Variants in RPS6KC1 observed in about 807,000 individuals in gnomAD.
RPS6KC1 encodes the protein ribosomal protein S6 kinase C1.
In RPS6KC1, 54 loss-of-function variants were observed where a neutral mutation model predicts 103.8. That is an observed-to-expected ratio of 0.52 (90% CI 0.42 to 0.65). The LOEUF (loss-of-function observed/expected upper bound fraction) is 0.65, where lower values mean the gene tolerates loss of function less well. Among genes scored for constraint, RPS6KC1 ranks in the 30% least tolerant of loss-of-function variants. The pLI is 0.00. For missense variants in RPS6KC1, 1,151 were observed against 1,253.8 expected (o/e 0.92, Z 1.24); for synonymous variants, 439 against 438.7 (o/e 1.00, Z -0.01).
At chr1:213,301,311 C>T in the RPS6KC1 span, among the ~76,000 whole-genome samples, 1 of 152,160 alleles carries the variant, frequency 6.6e-6, no homozygotes, top group Admixed American at 6.5e-5. Flanking sequence ...GGACTTCTAG[C>T]TGTTGAGGTC....
chr1:213,127,843 G>A (rs536967094), intron 5 of RPS6KC1, among the ~76,000 whole-genome samples: 65 of 152,136 alleles, frequency 4.3e-4, no homozygotes, highest in Admixed American at 1.6e-3. Flanking sequence ...TCAACATTTC[G>A]AAGATCTTTA....
the RPS6KC1 span, among the ~76,000 whole-genome samples, chr1:213,444,902 A>G: frequency 0.011 from 1,748 of 152,252 alleles, 22 homozygotes; most frequent in African/African-American, 0.036. Context: ...GCACAATTCA[A>G]TGACTTTTCG....
the RPS6KC1 span, among the ~76,000 whole-genome samples, chr1:213,626,647 C>A: frequency 6.6e-6 from 1 of 152,202 alleles, no homozygotes; most frequent in Non-Finnish European, 1.5e-5. Context: ...CTACATATGG[C>A]TAGCCAGTTT....
the RPS6KC1 span, among the ~76,000 whole-genome samples, chr1:213,668,177 C>T: frequency 4.1e-4 from 63 of 152,236 alleles, 1 homozygote; most frequent in African/African-American, 1.4e-3. Context: ...TTTACTTTGC[C>T]CAGATCCATC....
chr1:213,805,044 G>A, the RPS6KC1 span, among the ~76,000 whole-genome samples: 1 of 152,334 alleles, frequency 6.6e-6, no homozygotes, highest in African/African-American at 2.4e-5. Flanking sequence ...CAATAGCTTT[G>A]TGTCTAAGAA....
chr1:213,495,277 C>T, the RPS6KC1 span, among the ~76,000 whole-genome samples: 1 of 152,006 alleles, frequency 6.6e-6, no homozygotes, highest in Non-Finnish European at 1.5e-5. Flanking sequence ...TTAAACTTCA[C>T]ACAACATTAT....
At chr1:213,710,861 T>G in the RPS6KC1 span, among the ~76,000 whole-genome samples, 19 of 152,336 alleles carry the variant, frequency 1.2e-4, no homozygotes, top group African/African-American at 4.6e-4. Flanking sequence ...TCTTCTGGCT[T>G]GTAGGGTTTA....
the RPS6KC1 span, among the ~76,000 whole-genome samples, chr1:213,504,772 G>GT: frequency 1.3e-5 from 2 of 151,980 alleles, no homozygotes; most frequent in Non-Finnish European, 2.9e-5. Flanking sequence ...TGGGCAACTT[G>GT]TTTTTTTCCC....
chr1:213,637,381 A>G, the RPS6KC1 span, among the ~76,000 whole-genome samples: 61 of 140,614 alleles, frequency 4.3e-4, 1 homozygote, highest in East Asian at 4.4e-3. Flanking sequence ...ATGTCCATCA[A>G]TGATAGACTG....
chr1:213,509,113 A>C, the RPS6KC1 span, among the ~76,000 whole-genome samples: 1 of 152,198 alleles, frequency 6.6e-6, no homozygotes, highest in East Asian at 1.9e-4. Context: ...AATTTGGGAC[A>C]TTTTGGTAGT....
chr1:213,241,168 G>C lies in RPS6KC1; in HGVS notation c.1692G>C (p.Gln564His). The change falls in exon 11 of 15, where the codon CAG (glutamine) becomes CAC (histidine). Residue 564 changes from glutamine (Q) to histidine (H), a missense_variant. Transcript: ENST00000366960. ...CTGACAGTGACAGCCCCAGCACACA[G>C]CTGAGAGCTCACGAGCTGAAGTTCT... is the stretch of plus-strand genomic sequence containing the variant. ...LAADSDSPST[Q>H]LRAHELKFFP... 3.1e-6 allele frequency: 5 copies of C among 1,613,918 alleles called. No individual in the cohort carries two copies. Among genetic ancestry groups the C allele is most frequent in the Non-Finnish European group, 4.2e-6 (5 of 1,179,936 alleles).
chr1:213,172,121 A>G (rs1178076469), intron 7 of RPS6KC1, among the ~76,000 whole-genome samples: 2 of 152,194 alleles, frequency 1.3e-5, no homozygotes, highest in African/African-American at 2.4e-5. Context: ...TATCAGACCT[A>G]CTGAATCAGT....
the RPS6KC1 span, among the ~76,000 whole-genome samples, chr1:213,440,151 T>C: frequency 2.0e-5 from 3 of 152,170 alleles, no homozygotes; most frequent in Non-Finnish European, 4.4e-5. Flanking sequence ...TCTTTACTAG[T>C]TCCATTGTGA....
chr1:213,176,300 T>C (rs1156465440), intron 7 of RPS6KC1, 100 bp from the exon 8 acceptor site: 16 of 593,986 alleles, frequency 2.7e-5, no homozygotes, highest in Non-Finnish European at 5.9e-6. Flanking sequence ...CTCTGATTTA[T>C]GATGAATTTA....
the RPS6KC1 span, among the ~76,000 whole-genome samples, chr1:213,750,760 G>A: frequency 3.9e-5 from 6 of 152,158 alleles, no homozygotes; most frequent in Non-Finnish European, 2.9e-5. Context: ...CCAAAGATGT[G>A]ATTTCATCAA....
chr1:213,568,818 G>A, the RPS6KC1 span, among the ~76,000 whole-genome samples: 14 of 152,312 alleles, frequency 9.2e-5, no homozygotes, highest in South Asian at 2.1e-4. Context: ...AGGGAACAGG[G>A]ACTAGTGCTC....
intron 12 of RPS6KC1, among the ~76,000 whole-genome samples, chr1:213,259,682 A>G (rs1489480514): frequency 6.8e-6 from 1 of 147,478 alleles, no homozygotes; most frequent in African/African-American, 2.5e-5. Context: ...AGCTTTTTAT[A>G]TGTTTATATA....
At chr1:213,336,144 A>T in the RPS6KC1 span, among the ~76,000 whole-genome samples, 582 of 152,366 alleles carry the variant, frequency 3.8e-3, 7 homozygotes, top group African/African-American at 0.013. Context: ...TGATTTATAA[A>T]TAGCTTAAAG....
chr1:213,082,816 G>C (rs1348918487), intron 3 of RPS6KC1, among the ~76,000 whole-genome samples: 2 of 152,126 alleles, frequency 1.3e-5, no homozygotes, highest in African/African-American at 4.8e-5. Context: ...ATTAAGAAAT[G>C]ACTTCTGAGC....
Sources: allele counts gnomAD v4.1 joint callset (sites outside exome capture counted in the v4.1 genomes callset), GRCh38; gene constraint gnomAD v4.1.1; transcripts MANE v1.5; gene names NCBI Gene and HGNC (gene_info 2026-07-23, HGNC 2026-07-21).